Variants in EVC2 observed in about 807,000 individuals in gnomAD.
The protein encoded by EVC2 is limbin.
EVC2 carries 148 observed loss-of-function variants against 149.3 expected under a neutral mutation model. That is an observed-to-expected ratio of 0.99 (90% CI 0.87 to 1.14). EVC2 has a LOEUF of 1.14. Ranked by LOEUF, EVC2 falls within the 50% of genes most tolerant of loss-of-function variation. The pLI is 0.00. For missense variants in EVC2, 1,854 were observed against 1,627.3 expected, an observed-to-expected ratio of 1.14 and a Z score of -2.40; for synonymous variants, 776 against 649.9, an observed-to-expected ratio of 1.19 and a Z score of -2.95.
At chr4:5,557,600 G>A (rs1429093120), downstream of EVC2, among the ~76,000 whole-genome samples, 2 of 151,976 alleles carry the variant, frequency 1.3e-5, no homozygotes, top group Admixed American at 6.6e-5. Context: ...AATTGGAAAG[G>A]AATAAATAAA....
At chr4:5,599,236 T>A (rs6828826) in intron 16 of EVC2, among the ~76,000 whole-genome samples, 98,843 of 148,216 alleles carry the variant, frequency 0.67, 33,584 homozygotes, top group East Asian at 0.86. Flanking sequence ...TACCCAAAGG[T>A]CTATAAATCA....
At chr4:5,594,216 C>T (rs1577132093) in intron 16 of EVC2, among the ~76,000 whole-genome samples, 1 of 152,180 alleles carries the variant, frequency 6.6e-6, no homozygotes, top group Admixed American at 6.5e-5. Context: ...TTGAAGAGAC[C>T]AGTGGTTCTC....
At chr4:5,584,602 C>T (rs756386636) in intron 17 of EVC2, 21 bp downstream of exon 17, 46 of 1,608,308 alleles carry the variant, frequency 2.9e-5, no homozygotes, top group Non-Finnish European at 3.7e-5. Context: ...TCCCCCTCTC[C>T]TTCCCAGCGC....
chr4:5,567,883 A>T lies in EVC2; in HGVS notation c.3557+561T>A, dbSNP rs1560126048. Among the ~76,000 whole-genome samples the T allele has an allele frequency of 6.6e-6, 1 of 152,234 alleles. No homozygotes were observed. The highest frequency in any genetic ancestry group is 6.5e-5 in the Admixed American group (1 of 15,290). ...ATGAATAACACTAGCAGGAAATAGA[A>T]TCTAAGTAATGGGATAAGAATTACA... On this transcript the variant is annotated intron_variant, in intron 20 of 21. Coordinates refer to ENST00000344408, the MANE Select transcript of EVC2 (RefSeq NM_147127.5). This position sits in a 1 kb window ranked among gnomAD's most constrained non-coding sequence, Gnocchi z 4.4.
rs1381505086 is a variant in EVC2, at chr4:5,679,616, T to TTTTTA, written c.870+1639_870+1643dup. Among the ~76,000 whole-genome samples the TTTTTA allele has an allele frequency of 2.0e-5, 3 of 152,270 alleles. No individual in the cohort carries two copies. In the East Asian group the frequency reaches 5.8e-4, roughly 29 times the overall value. On this transcript the variant is annotated intron_variant, in intron 7 of 21. Coordinates refer to ENST00000344408, the MANE Select transcript of EVC2 (RefSeq NM_147127.5). The surrounding 1 kb of genome is among the most constrained non-coding windows in gnomAD (Gnocchi z 5.1). ...ATCTTGGCTTACTGTAATTTTTTAT[T>TTTTTA]TTTTATTTTATTTTATTTTACTTTA...
At position 5,689,244 on chromosome 4, in the gene EVC2, C is replaced by A. The variant is rs761707323; in HGVS notation, c.619G>T (p.Asp207Tyr). ...CAAATGGTGAGACCAGCAATGCTGT[C>A]CAGCAAGAGCAGCTCCGAGAGGTTG... is the stretch of plus-strand genomic sequence containing the variant. Reference protein sequence around the residue: ...SANLSELLLLDSIAGLTIWDS... With the variant: ...SANLSELLLLYSIAGLTIWDS... Residue 207 changes from aspartate (D) to tyrosine (Y), a missense_variant, in exon 5 of 22, where the codon GAC becomes TAC. Asp to Tyr is a radical substitution (Grantham distance 160). Coordinates refer to ENST00000344408, the MANE Select transcript of EVC2 (RefSeq NM_147127.5). 3.7e-6 allele frequency: 6 copies of A among 1,614,090 alleles called. No individual in the cohort carries two copies. Among genetic ancestry groups the A allele is most frequent in the African/African-American group, 2.7e-5 (2 of 74,946 alleles).
chr4:5,627,298 G>C (rs1182093522), intron 12 of EVC2, among the ~76,000 whole-genome samples: 1 of 152,242 alleles, frequency 6.6e-6, no homozygotes, highest in Non-Finnish European at 1.5e-5. Context: ...GAAAAGAAGA[G>C]ATGAAGCATC....
chr4:5,609,107 T>C (rs780720230), intron 16 of EVC2, among the ~76,000 whole-genome samples: 2 of 152,108 alleles, frequency 1.3e-5, no homozygotes, highest in Non-Finnish European at 2.9e-5. Context: ...GCGGGTTCTG[T>C]AGCCTCCAGA....
intron 10 of EVC2, among the ~76,000 whole-genome samples, chr4:5,638,924 A>G (rs371114261): frequency 1.2e-3 from 180 of 152,218 alleles, no homozygotes; most frequent in Middle Eastern, 3.4e-3. Context: ...GAACTATTAT[A>G]TAACAGAAAA....
At chr4:5,565,408 C>T (rs763992620) in intron 20 of EVC2, 49 bp from the exon 21 acceptor site, 16 of 1,560,806 alleles carry the variant, frequency 1.0e-5, no homozygotes, top group South Asian at 1.0e-4. Flanking sequence ...GCCTGTAATC[C>T]CACTGTAATC....
At chr4:5,645,229 A>G (rs1325243045) in intron 9 of EVC2, among the ~76,000 whole-genome samples, 1 of 148,786 alleles carries the variant, frequency 6.7e-6, no homozygotes, top group Non-Finnish European at 1.5e-5. Flanking sequence ...CCGTGCATCT[A>G]ATGATTTTAA....
At chr4:5,692,727 C>T (rs1338007275) in intron 3 of EVC2, among the ~76,000 whole-genome samples, 8 of 150,726 alleles carry the variant, frequency 5.3e-5, no homozygotes, top group Non-Finnish European at 7.4e-5. Flanking sequence ...ATTAGCCGGG[C>T]GCGGTGGCGG....
At chr4:5,663,010 CTGAA>C (rs1719002894) in intron 9 of EVC2, 93 bp downstream of exon 9, 1 of 1,498,896 alleles carries the variant, frequency 6.7e-7, no homozygotes, top group Admixed American at 1.7e-5. Flanking sequence ...AAATGATTAA[CTGAA>C]TGAATGAAAT....
intron 9 of EVC2, among the ~76,000 whole-genome samples, chr4:5,662,636 TATA>T (rs919883103): frequency 3.5e-5 from 5 of 144,900 alleles, no homozygotes; most frequent in African/African-American, 1.3e-4. Flanking sequence ...TATATTAAAA[TATA>T]ATATATTAAT....
chr4:5,689,852 C>G (rs939424650), intron 4 of EVC2, among the ~76,000 whole-genome samples: 11 of 152,070 alleles, frequency 7.2e-5, no homozygotes, highest in African/African-American at 2.7e-4. Flanking sequence ...CAGAAGCCAT[C>G]CAGCGGCCCA....
intron 9 of EVC2, among the ~76,000 whole-genome samples, chr4:5,643,895 AAT>A (rs1310304496): frequency 6.6e-6 from 1 of 152,242 alleles, no homozygotes; most frequent in African/African-American, 2.4e-5. Flanking sequence ...ACTGTCTCAA[AAT>A]AAAAAAAAAT....
rs151115578 is a variant in EVC2 at position 5,679,069 on chromosome 4, CA to C, written c.870+2190del. Among the ~76,000 whole-genome samples the C allele has an allele frequency of 0.13, 18,027 of 143,394 alleles. 1,089 individuals carry two copies. The highest frequency in any genetic ancestry group is 0.2 in the East Asian group (970 of 4,964). 94.1% of individuals were successfully genotyped at this position (143,394 alleles called of 152,430 possible). On this transcript the variant is annotated intron_variant, in intron 7 of 21. Transcript: ENST00000344408. The surrounding 1 kb of genome is among the most constrained non-coding windows in gnomAD (Gnocchi z 5.1). Reference sequence around the variant, plus strand: ...AGAAAAGAAAAATATGTACAAAAGACAAAAAAAAAAATACACTCGTATAGGA... The same window carrying C: ...AGAAAAGAAAAATATGTACAAAAGACAAAAAAAAAATACACTCGTATAGGA...
chr4:5,651,008 G>A (rs1013133053), intron 9 of EVC2, among the ~76,000 whole-genome samples: 2 of 152,122 alleles, frequency 1.3e-5, no homozygotes, highest in African/African-American at 4.8e-5. Context: ...AGATGCAGGG[G>A]AAACATGATA....
In EVC2 at chr4:5,696,452, T is replaced by G. The variant is rs1417410941; in HGVS notation, c.283+1141A>C. Among the ~76,000 whole-genome samples the G allele has an allele frequency of 6.6e-6, 1 of 151,996 alleles. No homozygotes were observed. Among genetic ancestry groups the G allele is most frequent in the Non-Finnish European group, 1.5e-5 (1 of 67,990 alleles). The stretch of plus-strand genomic sequence containing the variant: ...ACAGAACCCAGACAACCCCACCCAG[T>G]GGCCCCAGGGATAGGTTCAGGGACA... On this transcript the variant is annotated intron_variant, in intron 2 of 21. Coordinates refer to ENST00000344408, the MANE Select transcript of EVC2 (RefSeq NM_147127.5). The surrounding 1 kb of genome is among the most constrained non-coding windows in gnomAD (Gnocchi z 4.1).
Sources: gnomAD v4.1 joint callset for allele counts (sites outside exome capture counted in the v4.1 genomes callset) on GRCh38, gnomAD v4.1.1 for gene constraint, Gnocchi (gnomAD v3.1) non-coding constraint, MANE v1.5 for transcripts, NCBI Gene and HGNC (gene_info 2026-07-23, HGNC 2026-07-21) for gene names.